Variants in GNB1 observed in about 807,000 individuals in gnomAD.
The protein encoded by GNB1 is guanine nucleotide-binding protein G(I)/G(S)/G(T) subunit beta-1.
A neutral mutation model predicts 42.9 loss-of-function variants in GNB1; 2 were observed. That is an observed-to-expected ratio of 0.05 (90% confidence interval 0.02 to 0.15). GNB1 has a LOEUF of 0.15. Ranked by LOEUF, GNB1 falls within the 10% of genes least tolerant of loss-of-function variation. GNB1 has a pLI of 1.00. For missense variants in GNB1, 193 were observed against 462.2 expected, an observed-to-expected ratio of 0.42 and a Z score of 5.34; for synonymous variants, 183 against 174.7, an observed-to-expected ratio of 1.05 and a Z score of -0.38.
At chr1:1,812,930 C>G (rs373162185) in intron 5 of GNB1, among the ~76,000 whole-genome samples, 16 of 151,596 alleles carry the variant, frequency 1.1e-4, no homozygotes, top group African/African-American at 3.9e-4. Context: ...CCAGACTACC[C>G]AGTCCAGAGC....
intron 3 of GNB1, among the ~76,000 whole-genome samples, chr1:1,819,805 A>T (rs1181940866): frequency 6.6e-6 from 1 of 151,930 alleles, no homozygotes; most frequent in South Asian, 2.1e-4. Context: ...GGCCTCCCAA[A>T]GTGTTGGGAT....
chr1:1,813,690 C>A (rs1479699555), intron 5 of GNB1, among the ~76,000 whole-genome samples: 1 of 151,984 alleles, frequency 6.6e-6, no homozygotes, highest in Admixed American at 6.6e-5. Context: ...GGGGTCTCGC[C>A]ATGTGACCTA....
intron 7 of GNB1, among the ~76,000 whole-genome samples, chr1:1,801,567 A>G (rs560501611): frequency 1.3e-5 from 2 of 152,314 alleles, no homozygotes; most frequent in East Asian, 3.9e-4. Context: ...AATGTACACT[A>G]TAATCCCTAA....
intron 1 of GNB1, among the ~76,000 whole-genome samples, chr1:1,841,049 T>G (rs6603800): frequency 0.97 from 147,687 of 152,054 alleles, 71,756 homozygotes; most frequent in East Asian, 1. Context: ...ATGCCACCAC[T>G]CCCAGCCAAT....
At chr1:1,789,713 G>C (rs1218746846) in intron 9 of GNB1, among the ~76,000 whole-genome samples, 4 of 150,612 alleles carry the variant, frequency 2.7e-5, no homozygotes, top group African/African-American at 9.7e-5. Context: ...AAAAAAAAAG[G>C]GTGGGGGGAT....
At chr1:1,819,478 C>G (rs572825110) in intron 3 of GNB1, among the ~76,000 whole-genome samples, 39 of 152,208 alleles carry the variant, frequency 2.6e-4, no homozygotes, top group Middle Eastern at 3.4e-3. Flanking sequence ...ATCTCAGCCT[C>G]CCAAAGTGCT....
chr1:1,852,070 C>CT (rs1648015873), intron 1 of GNB1, among the ~76,000 whole-genome samples: 1 of 150,652 alleles, frequency 6.6e-6, no homozygotes, highest in Non-Finnish European at 1.5e-5. Context: ...GAGACATTCA[C>CT]TTTACTGGAA....
chr1:1,802,079 T>G (rs1016820804), intron 7 of GNB1, among the ~76,000 whole-genome samples: 2 of 152,182 alleles, frequency 1.3e-5, no homozygotes, highest in Admixed American at 6.5e-5. Context: ...AAGCACAGAT[T>G]GACAGAATTA....
At chr1:1,804,957 C>T (rs751294696) in intron 6 of GNB1, among the ~76,000 whole-genome samples, 1 of 151,822 alleles carries the variant, frequency 6.6e-6, no homozygotes, top group Admixed American at 6.6e-5. Context: ...GTCAGGAGTT[C>T]AAGACCAGCT....
At chr1:1,842,552 C>A (rs559479942) in intron 1 of GNB1, among the ~76,000 whole-genome samples, 7 of 152,190 alleles carry the variant, frequency 4.6e-5, no homozygotes, top group Non-Finnish European at 8.8e-5. Flanking sequence ...ACCCCATTTA[C>A]ATGAAATATC....
At chr1:1,861,707 A>T (rs1648638739) in intron 1 of GNB1, among the ~76,000 whole-genome samples, 1 of 152,044 alleles carries the variant, frequency 6.6e-6, no homozygotes, top group African/African-American at 2.4e-5. Context: ...GCTAAAACAG[A>T]GCTGGTGCTG....
chr1:1,887,775 C>A (rs560626610), intron 1 of GNB1, among the ~76,000 whole-genome samples: 28 of 152,276 alleles, frequency 1.8e-4, no homozygotes, highest in African/African-American at 4.8e-4. Context: ...ACCACCACGC[C>A]GGCTAATTTT....
chr1:1,876,081 G>A (rs940622155), intron 1 of GNB1, among the ~76,000 whole-genome samples: 1 of 152,074 alleles, frequency 6.6e-6, no homozygotes, highest in African/African-American at 2.4e-5. Context: ...AAGAAGAAAG[G>A]AAGTGTCCTC....
In GNB1 at chr1:1,805,314, G is replaced by A. The variant is rs543655738; in HGVS notation, c.268-733C>T. ...TGTCTGTGCTAAAATACAAAAATTA[G>A]CTGGGTGTGGTGGTGGGCGCCTGTA... is the stretch of plus-strand genomic sequence containing the variant. On this transcript the variant is annotated intron_variant, in intron 6 of 11. Transcript: ENST00000378609. 5.3e-5 allele frequency among the ~76,000 whole-genome samples: 8 copies of A among 151,810 alleles called. No homozygotes were observed. In the East Asian group the frequency reaches 5.9e-4, roughly 11 times the overall value.
In GNB1 at chr1:1,787,164, G is replaced by A; in HGVS notation, c.*10-111C>T. The A allele has an allele frequency of 1.8e-6, 1 of 554,656 alleles. No individual in the cohort carries two copies. Among genetic ancestry groups the A allele is most frequent in the Non-Finnish European group, 3.3e-6 (1 of 306,730 alleles). 34.4% of individuals were successfully genotyped at this position (554,656 alleles called of 1,614,324 possible). The stretch of plus-strand genomic sequence containing the variant: ...ACTGCATGAGTGTCTGCAGCTGAGG[G>A]CACGTGACTTCAGCTTTCTGTAAAC... On this transcript the variant is annotated intron_variant, in intron 11 of 11. Transcript: ENST00000378609. This position sits in a 1 kb window ranked among gnomAD's most constrained non-coding sequence, Gnocchi z 4.4.
intron 1 of GNB1, among the ~76,000 whole-genome samples, chr1:1,856,522 G>C (rs1315632828): frequency 6.6e-6 from 1 of 152,154 alleles, no homozygotes; most frequent in Non-Finnish European, 1.5e-5. Flanking sequence ...CCACCTCCTG[G>C]GTTCAGGTGA....
At chr1:1,863,776 T>C (rs1648761870) in intron 1 of GNB1, among the ~76,000 whole-genome samples, 1 of 152,210 alleles carries the variant, frequency 6.6e-6, no homozygotes, top group South Asian at 2.1e-4. Context: ...TCAGAAAACC[T>C]ACCTATGCTT....
chr1:1,844,387 T>A (rs1198804934), intron 1 of GNB1, among the ~76,000 whole-genome samples: 2 of 39,720 alleles, frequency 5.0e-5, no homozygotes, highest in Non-Finnish European at 1.2e-4. Context: ...TGAGACTCCG[T>A]CTCCAAAAAA....
intron 1 of GNB1, among the ~76,000 whole-genome samples, chr1:1,845,832 C>CAG (rs1217436604): frequency 1.3e-4 from 10 of 74,452 alleles, no homozygotes; most frequent in African/African-American, 4.9e-4. Flanking sequence ...CATACACACA[C>CAG]ACACACACAC....
Sources: allele counts gnomAD v4.1 joint callset (sites outside exome capture counted in the v4.1 genomes callset), GRCh38; gene constraint gnomAD v4.1.1; non-coding constraint Gnocchi (gnomAD v3.1); transcripts MANE v1.5; gene names NCBI Gene and HGNC (gene_info 2026-07-23, HGNC 2026-07-21).